The following SF3B3 variants were observed in gnomAD, a reference collection of about 807,000 sequenced individuals.
SF3B3 encodes the protein SAP 130.
In SF3B3, 33 loss-of-function variants were observed where a neutral mutation model predicts 139.2. The ratio of observed to expected loss-of-function variants is 0.24; its 90% CI spans 0.18 to 0.32. The LOEUF (loss-of-function observed/expected upper bound fraction) is 0.32. SF3B3 is among the 10% of genes least tolerant of loss of function. The pLI is 1.00. For synonymous variants in SF3B3, 596 were observed against 563.6 expected, an observed-to-expected ratio of 1.06 and a Z score of -0.81; for missense variants, 818 against 1,509.4, an observed-to-expected ratio of 0.54 and a Z score of 7.59.
rs551675280 is a variant in SF3B3, at chr16:70,575,799, T to C, written c.*3986T>C. The C allele has an allele frequency of 8.5e-5, 13 of 152,110 alleles. No homozygotes were observed. Among genetic ancestry groups the C allele is most frequent in the Non-Finnish European group, 1.6e-4 (11 of 68,030 alleles). 9.4% of individuals were successfully genotyped at this position (152,110 alleles called of 1,614,324 possible). Reference sequence around the variant, plus strand: ...ATCAGAAGGTCCCAAGTCTGAAAAATGAAGAGGTGGGGAGTGGGCAGCAGG... The same window carrying C: ...ATCAGAAGGTCCCAAGTCTGAAAAACGAAGAGGTGGGGAGTGGGCAGCAGG... On this transcript the variant is annotated 3_prime_UTR_variant, in exon 26 of 26. Transcript: ENST00000302516.
At chr16:70,526,479 A>G (rs2050065655) in intron 1 of SF3B3, 108 bp from the exon 2 acceptor site, 1 of 575,184 alleles carries the variant, frequency 1.7e-6, no homozygotes, top group South Asian at 2.2e-5. Context: ...TTGTTTCTTA[A>G]TAGGGCTTGC....
In SF3B3 at chr16:70,541,662, T is replaced by C; in HGVS notation, c.1068-7T>C. 6.2e-7 allele frequency: 1 copy of C among 1,612,368 alleles called. No individual in the cohort carries two copies. The highest frequency in any genetic ancestry group is 2.2e-5 in the East Asian group (1 of 44,858). The stretch of plus-strand genomic sequence containing the variant: ...ACCGAAAGTTTCTCTCCTCTGCTTC[T>C]TCCCAGTTACTTATATCAAATTGCA... On this transcript the variant is annotated splice_region_variant and splice_polypyrimidine_tract_variant and intron_variant, in intron 8 of 25. Transcript: ENST00000302516.
chr16:70,551,488 A>C (rs2050324585), intron 11 of SF3B3, among the ~76,000 whole-genome samples: 1 of 152,066 alleles, frequency 6.6e-6, no homozygotes, highest in African/African-American at 2.4e-5. Context: ...GGATCACCTG[A>C]GGTTGGGAAT....
intron 15 of SF3B3, among the ~76,000 whole-genome samples, chr16:70,558,989 T>C (rs2050403528): frequency 6.6e-6 from 1 of 152,138 alleles, no homozygotes; most frequent in Admixed American, 6.6e-5. Flanking sequence ...GATTTAATTA[T>C]TGGGGGAGGG....
chr16:70,532,298 A>AAAAAAGATC lies in SF3B3; in HGVS notation c.571-179_571-171dup, dbSNP rs2050128771. ...CGAGCAAAACTCCGTCTCAAAAAAA[A>AAAAAAGATC]AAAAAGATCATACCTCTGTGCACTG... On this transcript the variant is annotated intron_variant, in intron 4 of 25. Coordinates refer to ENST00000302516, the MANE Select transcript of SF3B3 (RefSeq NM_012426.5). Among the ~76,000 whole-genome samples the AAAAAAGATC allele has an allele frequency of 3.5e-5, 5 of 144,638 alleles. No individual in the cohort carries two copies. The Admixed American group carries it at 3.6e-4, about 10-fold the overall frequency. The allele number at this position is 144,638 out of a possible 152,430, so 94.9% of individuals were successfully genotyped here. A position where few individuals can be genotyped will look rare whatever the true frequency, so the allele number is the denominator to read the frequency against.
chr16:70,562,363 A>G (rs906429398), intron 17 of SF3B3, among the ~76,000 whole-genome samples: 7 of 152,156 alleles, frequency 4.6e-5, no homozygotes, highest in African/African-American at 1.4e-4. Flanking sequence ...GGTTATAACT[A>G]TTGGCTGTTC....
intron 13 of SF3B3, 60 bp downstream of exon 13, chr16:70,555,266 A>G (rs1364397648): frequency 9.7e-6 from 14 of 1,441,606 alleles, no homozygotes; most frequent in Non-Finnish European, 1.3e-5. Context: ...AAAGATGGGC[A>G]TTGTAGTCTA....
intron 16 of SF3B3, among the ~76,000 whole-genome samples, chr16:70,561,172 C>T (rs1041768987): frequency 3.9e-5 from 6 of 152,196 alleles, no homozygotes; most frequent in Non-Finnish European, 8.8e-5. Flanking sequence ...AGGCGCATGC[C>T]ACCACGCCCA....
Position 70,556,873 on chromosome 16 carries a change from C to A in SF3B3, c.1867-13C>A, listed in dbSNP as rs79766642. The A allele has an allele frequency of 6.2e-7, 1 of 1,613,670 alleles. No homozygotes were observed. Among genetic ancestry groups the A allele is most frequent in the Non-Finnish European group, 8.5e-7 (1 of 1,179,760 alleles). On this transcript the variant is annotated splice_polypyrimidine_tract_variant and intron_variant, in intron 14 of 25. Coordinates refer to ENST00000302516, the MANE Select transcript of SF3B3 (RefSeq NM_012426.5). ...CATTTTCTGTGTTTTTATGATTTTT[C>A]TCTCCCTCTCAGGACTGTTTGCAAC... is the stretch of plus-strand genomic sequence containing the variant.
At chr16:70,528,815 A>G in intron 2 of SF3B3, 58 bp from the exon 3 acceptor site, 5 of 1,314,366 alleles carry the variant, frequency 3.8e-6, no homozygotes, top group Non-Finnish European at 5.3e-6. Context: ...ACGGGGTTTC[A>G]CCATGGTGGC....
chr16:70,555,059 A>G lies in SF3B3; in HGVS notation c.1563A>G (p.Pro521=), dbSNP rs199736572. 14 of 1,614,132 alleles carry G rather than the reference A, an allele frequency of 8.7e-6. No individual in the cohort carries two copies. The East Asian group carries it at 2.9e-4, about 33-fold the overall frequency. The part of the protein sequence containing the change: ...LGDDALVQVY[P]DGIRHIRADK... ...TCTGTTACTGACTCTAGGTCTATCC[A>G]GATGGCATTCGGCACATACGAGCAG... The change falls in exon 13 of 26, where the codon CCA becomes CCG. Residue 521 remains proline (P), a synonymous_variant. Transcript: ENST00000302516.
intron 25 of SF3B3, 117 bp from the exon 26 acceptor site, chr16:70,571,556 C>A: frequency 9.1e-7 from 1 of 1,098,294 alleles, no homozygotes; most frequent in Non-Finnish European, 1.3e-6. Flanking sequence ...TAGGGTGAGA[C>A]CCTGTCTCAA....
chr16:70,526,464 A>G (rs533344367), intron 1 of SF3B3, 123 bp from the exon 2 acceptor site: 2 of 561,354 alleles, frequency 3.6e-6, no homozygotes, highest in Non-Finnish European at 6.3e-6. Context: ...GCCCGGTCAC[A>G]TATGTTGTTT....
intron 15 of SF3B3, 87 bp from the exon 16 acceptor site, chr16:70,560,382 C>G (rs2050417926): frequency 7.2e-7 from 1 of 1,392,132 alleles, no homozygotes; most frequent in Non-Finnish European, 9.8e-7. Context: ...GCTCTAATTT[C>G]TTATGTGAAG....
rs752835987 is a variant in SF3B3, at chr16:70,557,046, C to T, written c.2010+17C>T. Reference sequence around the variant, plus strand: ...GGGCTACAGGTAAGAGATCCAGAGGCCCACATTGTGGACATTAGGCCTTCT... The same window carrying T: ...GGGCTACAGGTAAGAGATCCAGAGGTCCACATTGTGGACATTAGGCCTTCT... On this transcript the variant is annotated intron_variant, in intron 15 of 25. Coordinates refer to ENST00000302516, the MANE Select transcript of SF3B3 (RefSeq NM_012426.5). 3.8e-6 allele frequency: 6 copies of T among 1,589,764 alleles called. No individual in the cohort carries two copies. In the South Asian group the frequency reaches 6.9e-5, roughly 18 times the overall value.
rs745505167 is a variant in SF3B3, at chr16:70,565,278, G to T, written c.2669+8G>T. ...GAATGAGGCAGCTTTTAGGTAAGCA[G>T]CCCAGGACAGTCCAGGGTTTGGCAG... On this transcript the variant is annotated splice_region_variant and intron_variant, in intron 19 of 25. Transcript: ENST00000302516. 1 of 1,614,144 alleles carries T rather than the reference G, an allele frequency of 6.2e-7. No homozygotes were observed. Among genetic ancestry groups the T allele is most frequent in the South Asian group, 1.1e-5 (1 of 91,086 alleles).
At chr16:70,564,597 G>A (rs960090770) in intron 18 of SF3B3, among the ~76,000 whole-genome samples, 2 of 152,000 alleles carry the variant, frequency 1.3e-5, no homozygotes, top group Non-Finnish European at 2.9e-5. Context: ...CCTTTATTTG[G>A]GCCCAAAAGA....
rs761450287 is a variant in SF3B3, at chr16:70,563,861, G to T, written c.2289-15G>T. The T allele has an allele frequency of 6.8e-6, 11 of 1,613,424 alleles. No homozygotes were observed. The highest frequency in any genetic ancestry group is 7.6e-6 in the Non-Finnish European group (9 of 1,179,634). On this transcript the variant is annotated splice_polypyrimidine_tract_variant and intron_variant, in intron 17 of 25. Coordinates refer to ENST00000302516, the MANE Select transcript of SF3B3 (RefSeq NM_012426.5). ...CGAGTGAGTATTAAATAACTGCCTT[G>T]CTTTTTTGTCATAGGATTTTGGCAT...
At chr16:70,535,653 A>G (rs1379835846) in intron 6 of SF3B3, among the ~76,000 whole-genome samples, 2 of 152,184 alleles carry the variant, frequency 1.3e-5, no homozygotes, top group Non-Finnish European at 2.9e-5. Flanking sequence ...ATTTCAGAGG[A>G]ACCTGTGGAC....
Sources: gnomAD v4.1 joint callset for allele counts (sites outside exome capture counted in the v4.1 genomes callset) on GRCh38, gnomAD v4.1.1 for gene constraint, MANE v1.5 for transcripts, NCBI Gene and HGNC (gene_info 2026-07-23, HGNC 2026-07-21) for gene names.